Variants in DNER observed in about 807,000 individuals in gnomAD.
DNER encodes delta/notch like EGF repeat containing.
DNER carries 33 observed loss-of-function variants against 78.2 expected under a neutral mutation model. The observed-to-expected ratio is 0.42, with a 90% CI of 0.32 to 0.56. The LOEUF is 0.56. Ranked by LOEUF, DNER falls within the 20% of genes least tolerant of loss-of-function variation. DNER has a pLI of 0.11. For synonymous variants in DNER, 417 were observed against 384.8 expected, an observed-to-expected ratio of 1.08 and a Z score of -0.98; for missense variants, 918 against 975.3, an observed-to-expected ratio of 0.94 and a Z score of 0.78.
At chr2:229,644,334 C>CTTTTTTTTT (rs5839345) in intron 1 of DNER, among the ~76,000 whole-genome samples, 4 of 97,508 alleles carry the variant, frequency 4.1e-5, no homozygotes, top group African/African-American at 9.0e-5. Context: ...CTTGCTTTCT[C>CTTTTTTTTT]TTTTTTTTTT....
intron 7 of DNER, 37 bp from the exon 8 acceptor site, chr2:229,447,577 A>G (rs1357878112): frequency 6.3e-7 from 1 of 1,584,296 alleles, no homozygotes; most frequent in Non-Finnish European, 8.6e-7. Flanking sequence ...AAAAACTAAA[A>G]CACATTTGCA....
rs912493153 is a variant in DNER at position 229,459,571 on chromosome 2, G to C, written c.1262-12031C>G. ...TACTTTTTACAGACGAAGGTTCAGA[G>C]ACTTCGCTTTAGGGAACTAACCTAG... On this transcript the variant is annotated intron_variant, in intron 7 of 12. Coordinates refer to ENST00000341772, the MANE Select transcript of DNER (RefSeq NM_139072.4). 4.6e-5 allele frequency among the ~76,000 whole-genome samples: 7 copies of C among 152,060 alleles called. 1 individual carries two copies. The highest frequency in any genetic ancestry group is 1.7e-4 in the African/African-American group (7 of 41,330).
At chr2:229,661,515 C>CT (rs1699011048) in intron 1 of DNER, among the ~76,000 whole-genome samples, 1 of 152,096 alleles carries the variant, frequency 6.6e-6, no homozygotes, top group Non-Finnish European at 1.5e-5. Flanking sequence ...GAAAGATGAC[C>CT]TAGATCATTG....
intron 7 of DNER, among the ~76,000 whole-genome samples, chr2:229,469,789 A>G (rs376631266): frequency 2.7e-4 from 41 of 152,322 alleles, no homozygotes; most frequent in African/African-American, 8.7e-4. Context: ...CTAAAAATAC[A>G]AAAAATAGCT....
intron 1 of DNER, among the ~76,000 whole-genome samples, chr2:229,600,400 A>C (rs1294248386): frequency 6.6e-6 from 1 of 152,186 alleles, no homozygotes; most frequent in Non-Finnish European, 1.5e-5. Flanking sequence ...CAAAAGAGGG[A>C]AAACAGGTAG....
chr2:229,518,729 C>T (rs1230749135), intron 5 of DNER, among the ~76,000 whole-genome samples: 2 of 152,304 alleles, frequency 1.3e-5, no homozygotes, highest in African/African-American at 4.8e-5. Flanking sequence ...TTTCACCTTA[C>T]ACTCTCAATT....
In DNER at chr2:229,584,271, T is replaced by C. The variant is rs117794085; in HGVS notation, c.847+1587A>G. Among the ~76,000 whole-genome samples the C allele has an allele frequency of 4.1e-3, 623 of 152,292 alleles. 24 individuals carry two copies. The East Asian group carries it at 0.1, about 25-fold the overall frequency. The stretch of plus-strand genomic sequence containing the variant: ...TGAGAGACAGGTGCTGCTAGGAGGA[T>C]GCCTACCCCATCCTCCAGGTGAGGA... On this transcript the variant is annotated intron_variant, in intron 4 of 12. Transcript: ENST00000341772.
intron 1 of DNER, among the ~76,000 whole-genome samples, chr2:229,619,755 A>C (rs1698222208): frequency 6.6e-6 from 1 of 152,254 alleles, no homozygotes; most frequent in Non-Finnish European, 1.5e-5. Flanking sequence ...TAATTTATCA[A>C]ATGCTAGGTA....
chr2:229,635,894 C>T (rs1698523251), intron 1 of DNER, among the ~76,000 whole-genome samples: 1 of 151,760 alleles, frequency 6.6e-6, no homozygotes, highest in South Asian at 2.1e-4. Flanking sequence ...CTTACTTAAT[C>T]CTCAAAAAAA....
chr2:229,681,827 AACACACACACACAC>A (rs72248647), intron 1 of DNER, among the ~76,000 whole-genome samples: 1 of 144,346 alleles, frequency 6.9e-6, no homozygotes, highest in Non-Finnish European at 1.5e-5. Context: ...CTCTGCCTAA[AACACACACACACAC>A]ACACACACAC....
chr2:229,608,963 C>A (rs927397598), intron 1 of DNER, among the ~76,000 whole-genome samples: 5 of 152,106 alleles, frequency 3.3e-5, no homozygotes, highest in African/African-American at 1.2e-4. Flanking sequence ...TGGCTCACGC[C>A]TGTAATTGCA....
chr2:229,674,856 G>A (rs974315375), intron 1 of DNER, among the ~76,000 whole-genome samples: 4 of 152,156 alleles, frequency 2.6e-5, no homozygotes, highest in African/African-American at 4.8e-5. Flanking sequence ...GCCCTGAGAC[G>A]TAAGGTCATA....
intron 10 of DNER, among the ~76,000 whole-genome samples, chr2:229,403,385 G>A (rs1693310056): frequency 6.6e-6 from 1 of 152,174 alleles, no homozygotes; most frequent in Non-Finnish European, 1.5e-5. Context: ...TAAATTTACT[G>A]TTAAGACCTC....
intron 4 of DNER, among the ~76,000 whole-genome samples, chr2:229,554,930 GA>G (rs1696827550): frequency 3.0e-4 from 19 of 62,840 alleles, no homozygotes; most frequent in South Asian, 1.1e-3. Flanking sequence ...GAGAAGAGAA[GA>G]GAAGAGAGAA....
chr2:229,627,733 A>T (rs1452057913), intron 1 of DNER, among the ~76,000 whole-genome samples: 1 of 152,222 alleles, frequency 6.6e-6, no homozygotes, highest in Non-Finnish European at 1.5e-5. Context: ...TACTGTAAGC[A>T]GCAAGTTGTA....
At chr2:229,489,223 C>T (rs888766519) in intron 6 of DNER, among the ~76,000 whole-genome samples, 18 of 152,136 alleles carry the variant, frequency 1.2e-4, no homozygotes, top group Non-Finnish European at 1.9e-4. Flanking sequence ...ATCACCCAGG[C>T]GGCAGATGCC....
At chr2:229,708,989 A>C (rs1699869810) in intron 1 of DNER, among the ~76,000 whole-genome samples, 1 of 152,244 alleles carries the variant, frequency 6.6e-6, no homozygotes, top group Non-Finnish European at 1.5e-5. Flanking sequence ...TCAGAATAAA[A>C]AGTACACATT....
At chr2:229,630,966 A>T (rs1249295390) in intron 1 of DNER, among the ~76,000 whole-genome samples, 1 of 118,632 alleles carries the variant, frequency 8.4e-6, no homozygotes, top group East Asian at 2.4e-4. Context: ...AAAGGACATG[A>T]TTTCATTCTT....
intron 6 of DNER, among the ~76,000 whole-genome samples, chr2:229,504,371 C>T (rs1473648098): frequency 6.6e-6 from 1 of 152,136 alleles, no homozygotes; most frequent in Non-Finnish European, 1.5e-5. Flanking sequence ...AGGCACCCAC[C>T]ACCATGCCTG....
Sources: gnomAD v4.1 joint callset for allele counts (sites outside exome capture counted in the v4.1 genomes callset) on GRCh38, gnomAD v4.1.1 for gene constraint, MANE v1.5 for transcripts, NCBI Gene and HGNC (gene_info 2026-07-23, HGNC 2026-07-21) for gene names.